The following ADAMTS7 variants were observed in gnomAD, a reference collection of about 807,000 sequenced individuals.
ADAMTS7 encodes the protein A disintegrin and metalloproteinase with thrombospondin motifs 7.
Under a neutral mutation model 172.6 loss-of-function variants are expected in ADAMTS7, and 89 were observed. That is an observed-to-expected ratio of 0.52 (90% confidence interval 0.43 to 0.61). ADAMTS7 has a LOEUF of 0.61. ADAMTS7 is among the 20% of genes least tolerant of loss of function. The pLI is 0.00. For synonymous variants in ADAMTS7, 885 were observed against 978.4 expected, an observed-to-expected ratio of 0.90 and a Z score of 1.78; for missense variants, 1,973 against 2,355.6, an observed-to-expected ratio of 0.84 and a Z score of 3.36.
In ADAMTS7 at chr15:78,767,000, T is replaced by C; in HGVS notation, c.2911A>G (p.Asn971Asp). Residue 971 changes from asparagine to aspartate, a missense_variant, in exon 19 of 24, where the codon AAT becomes GAT. By Grantham distance (23) the Asn-to-Asp change is conservative. Around this residue, in one of 8 missense-constraint regions of ADAMTS7, gnomAD observed 771 missense variants for 952.6 expected, o/e 0.81. Transcript: ENST00000388820. The part of the protein sequence containing the change: ...GTQRRNVLCT[N>D]DTGVPCDEAQ... ...TCGTCACAGGGGACACCGGTGTCATTGGTGCAGAGGACATTTCGGCGCTGA... is the reference window on the plus strand; with the variant it reads ...TCGTCACAGGGGACACCGGTGTCATCGGTGCAGAGGACATTTCGGCGCTGA... The C allele has an allele frequency of 6.3e-7, 1 of 1,599,934 alleles. No homozygotes were observed. Among genetic ancestry groups the C allele is most frequent in the Non-Finnish European group, 8.5e-7 (1 of 1,174,284 alleles).
chr15:78,767,250 T>C, intron 18 of ADAMTS7, 129 bp downstream of exon 18: 1 of 1,281,736 alleles, frequency 7.8e-7, no homozygotes, highest in Non-Finnish European at 1.1e-6. Context: ...GGCTTTAGAG[T>C]CAGGGGCTGG....
intron 10 of ADAMTS7, 77 bp downstream of exon 10, chr15:78,776,672 G>A (rs1416175028): frequency 5.7e-6 from 8 of 1,392,504 alleles, no homozygotes; most frequent in Non-Finnish European, 7.9e-6. Context: ...GTGAGCCGGG[G>A]CTGACCCCAG....
chr15:78,795,958 T>G (rs1288341610), intron 4 of ADAMTS7, among the ~76,000 whole-genome samples: 1 of 152,148 alleles, frequency 6.6e-6, no homozygotes, highest in Non-Finnish European at 1.5e-5. Flanking sequence ...CCTGGGCAAG[T>G]TACTCGCCCT....
intron 8 of ADAMTS7, among the ~76,000 whole-genome samples, chr15:78,781,322 C>A (rs1003233907): frequency 1.3e-5 from 2 of 152,178 alleles, no homozygotes; most frequent in African/African-American, 4.8e-5. Flanking sequence ...CCACCCTCCC[C>A]ACCTCCGCAC....
chr15:78,786,328 T>C (rs2055502527), intron 8 of ADAMTS7, among the ~76,000 whole-genome samples: 1 of 152,194 alleles, frequency 6.6e-6, no homozygotes, highest in African/African-American at 2.4e-5. Context: ...CTGCCCCATT[T>C]GCATCTCACA....
intron 13 of ADAMTS7, among the ~76,000 whole-genome samples, chr15:78,773,928 C>A (rs2055295136): frequency 6.6e-6 from 1 of 152,194 alleles, no homozygotes. Context: ...GGAAGGGTCC[C>A]CAGTGCCAGG....
chr15:78,808,779 G>A (rs2055829437), intron 1 of ADAMTS7, among the ~76,000 whole-genome samples: 1 of 152,176 alleles, frequency 6.6e-6, no homozygotes, highest in African/African-American at 2.4e-5. Flanking sequence ...ACAGTGGGAT[G>A]GCAACAGGCA....
chr15:78,800,924 A>C, intron 1 of ADAMTS7, among the ~76,000 whole-genome samples: 1 of 152,158 alleles, frequency 6.6e-6, no homozygotes, highest in African/African-American at 2.4e-5. Flanking sequence ...TATTTTTAGC[A>C]GACACAGGAT....
intron 1 of ADAMTS7, among the ~76,000 whole-genome samples, chr15:78,807,985 G>C (rs2055818450): frequency 3.3e-5 from 5 of 151,576 alleles, no homozygotes; most frequent in Admixed American, 1.3e-4. Context: ...CTCCCAAATA[G>C]CTGGGACTAC....
intron 16 of ADAMTS7, among the ~76,000 whole-genome samples, chr15:78,770,190 A>T (rs866958463): frequency 1.4e-4 from 21 of 151,458 alleles, no homozygotes; most frequent in East Asian, 5.8e-4. Flanking sequence ...TAAAATAAAT[A>T]AAATAAAATA....
intron 17 of ADAMTS7, 82 bp downstream of exon 17, chr15:78,768,051 G>T: frequency 9.1e-7 from 1 of 1,098,286 alleles, no homozygotes; most frequent in Non-Finnish European, 1.3e-6. Flanking sequence ...CGGGGGATGG[G>T]GTGGGGAGTT....
rs375173960 is a variant in ADAMTS7, at chr15:78,764,712, G to C, written c.4267-5C>G. 806 of 1,504,192 alleles carry C rather than the reference G, an allele frequency of 5.4e-4. 3 individuals carry two copies. Among genetic ancestry groups the C allele is most frequent in the Middle Eastern group, 5.3e-3 (22 of 4,180 alleles). The allele number at this position is 1,504,192 out of a possible 1,614,324, so 93.2% of individuals were successfully genotyped here. On this transcript the variant is annotated splice_polypyrimidine_tract_variant and splice_region_variant and intron_variant, in intron 19 of 23. Transcript: ENST00000388820. ...CAGGCCACAGGTGGTAGAGCACTGC[G>C]GGGCAGAGACCCGTGAAAGCCAGGC...
Position 78,766,692 on chromosome 15 carries a change from G to T in ADAMTS7, c.3219C>A (p.His1073Gln). The T allele has an allele frequency of 6.2e-7, 1 of 1,610,938 alleles. No individual in the cohort carries two copies. The highest frequency in any genetic ancestry group is 2.2e-5 in the East Asian group (1 of 44,882). ...CAGAGGGCCCGTAGGACAGATCCTC[G>T]TGGAAATTGATGAAATTGTAGTCGT... is the stretch of plus-strand genomic sequence containing the variant. ...FYYDYNFINF[H>Q]EDLSYGPSEE... is the part of the protein sequence containing the mutation. The change falls in exon 19 of 24, where the codon CAC (histidine) becomes CAA (glutamine). Residue 1073 changes from histidine (H) to glutamine (Q), a missense_variant. Physicochemically the swap from His to Gln is conservative, Grantham distance 24. Coordinates refer to ENST00000388820, the MANE Select transcript of ADAMTS7 (RefSeq NM_014272.5).
intron 14 of ADAMTS7, among the ~76,000 whole-genome samples, chr15:78,772,696 G>A (rs143048992): frequency 2.6e-5 from 4 of 152,370 alleles, no homozygotes; most frequent in Non-Finnish European, 4.4e-5. Flanking sequence ...AGGACTAAGC[G>A]CTTCACCTGC....
Position 78,771,741 on chromosome 15 carries a change from C to T in ADAMTS7, c.2220G>A (p.Arg740=), listed in dbSNP as rs1274444674. ...VAEAANFLAL[R]SEDPEKYFLN... is the part of the protein sequence containing the mutation. The stretch of plus-strand genomic sequence containing the variant: ...GGAAGTACTTCTCCGGGTCCTCGCT[C>T]CGCAGTGCCAGGAAGTTGGCAGCCT... Residue 740 remains arginine, a synonymous_variant, in exon 15 of 24, where the codon CGG becomes CGA. Coordinates refer to ENST00000388820, the MANE Select transcript of ADAMTS7 (RefSeq NM_014272.5). The surrounding 1 kb of genome is among the most constrained non-coding windows in gnomAD (Gnocchi z 4.9). 6.2e-7 allele frequency: 1 copy of T among 1,611,572 alleles called. No homozygotes were observed. The highest frequency in any genetic ancestry group is 8.5e-7 in the Non-Finnish European group (1 of 1,180,000).
intron 1 of ADAMTS7, among the ~76,000 whole-genome samples, chr15:78,808,339 C>G (rs2055822690): frequency 6.6e-6 from 1 of 152,132 alleles, no homozygotes; most frequent in Non-Finnish European, 1.5e-5. Context: ...TGGGTTCAAG[C>G]AATTCTCATG....
rs2055866190 is a variant in ADAMTS7, at chr15:78,811,422, CAAAGA to C, written c.-207_-203del. The C allele has an allele frequency of 2.4e-6, 1 of 412,034 alleles. No homozygotes were observed. Among genetic ancestry groups the C allele is most frequent in the African/African-American group, 2.1e-5 (1 of 48,108 alleles). The allele number at this position is 412,034 out of a possible 1,614,324, so 25.5% of individuals were successfully genotyped here. ...CCCGCCCCCTTGGCCGCTGCAGAGG[CAAAGA>C]AAAGACAAGAGAGCTAGAAGGAGAG... On this transcript the variant is annotated 5_prime_UTR_variant, in exon 1 of 24. Coordinates refer to ENST00000388820, the MANE Select transcript of ADAMTS7 (RefSeq NM_014272.5).
rs761300867 is a variant in ADAMTS7, at chr15:78,771,646, C to T, written c.2315G>A (p.Arg772His). The stretch of plus-strand genomic sequence containing the variant: ...CGTGAGGTTCTCCCAGTTGCCCCTG[C>T]GTGCGTATGTGAAGGTGGTCCCTGC... ...QVAGTTFTYA[R>H]RGNWENLTSP... Residue 772 changes from arginine to histidine, a missense_variant, in exon 15 of 24, where the codon CGC (arginine) becomes CAC (histidine). By Grantham distance (29) the Arg-to-His change is conservative. Transcript: ENST00000388820. The surrounding 1 kb of genome is among the most constrained non-coding windows in gnomAD (Gnocchi z 4.9). 5 of 1,602,136 alleles carry T rather than the reference C, an allele frequency of 3.1e-6. No homozygotes were observed. Among genetic ancestry groups the T allele is most frequent in the Admixed American group, 1.7e-5 (1 of 60,010 alleles).
rs534986069 is a variant in ADAMTS7 at position 78,789,008 on chromosome 15, T to C, written c.1179-634A>G. Among the ~76,000 whole-genome samples, 15 of 152,290 alleles carry C rather than the reference T, an allele frequency of 9.8e-5. No individual in the cohort carries two copies. The East Asian group carries it at 2.9e-3, about 29-fold the overall frequency. On this transcript the variant is annotated intron_variant, in intron 7 of 23. Transcript: ENST00000388820. Reference sequence around the variant, plus strand: ...GAAATTGCAGTACTGTGGCAGGCTGTTCTTTCTGCAGCCATAAGCAGCTTC... The same window carrying C: ...GAAATTGCAGTACTGTGGCAGGCTGCTCTTTCTGCAGCCATAAGCAGCTTC...
Sources: gnomAD v4.1 joint callset for allele counts (sites outside exome capture counted in the v4.1 genomes callset) on GRCh38, gnomAD v4.1.1 for gene constraint, gnomAD v4.1.1 regional missense constraint, Gnocchi (gnomAD v3.1) non-coding constraint, MANE v1.5 for transcripts, NCBI Gene and HGNC (gene_info 2026-07-23, HGNC 2026-07-21) for gene names.